RYR1: variants seen among roughly 807,000 people sequenced by gnomAD.
RYR1 encodes the protein ryanodine receptor 1.
Under a neutral mutation model 583.5 loss-of-function variants are expected in RYR1, and 342 were observed. The ratio of observed to expected loss-of-function variants is 0.59; its 90% confidence interval spans 0.54 to 0.64. RYR1 has a LOEUF of 0.64. Ranked by LOEUF, RYR1 falls within the 30% of genes least tolerant of loss-of-function variation. The pLI is 0.00. For missense variants in RYR1, 6,032 were observed against 6,917.2 expected (o/e 0.87, Z 4.54); for synonymous variants, 2,791 against 2,822.5 (o/e 0.99, Z 0.35).
In RYR1 at chr19:38,511,110, A is replaced by G. The variant is rs117201461; in HGVS notation, c.9122+329A>G. Among the ~76,000 whole-genome samples, 8,335 of 152,022 alleles carry G rather than the reference A, an allele frequency of 0.055. 278 individuals carry two copies. Among genetic ancestry groups the G allele is most frequent in the South Asian group, 0.12 (566 of 4,794 alleles). ...CAGGAGTTTGAGGCCAGCCTGGGCA[A>G]CATACTGAGACCCCATTTCTACAAA... On this transcript the variant is annotated intron_variant, in intron 60 of 105. Transcript: ENST00000359596.
Position 38,448,430 on chromosome 19 carries a change from C to T in RYR1, c.876C>T (p.Leu292=). The change falls in exon 10 of 106, where the codon CTC becomes CTT. Residue 292 remains leucine, a synonymous_variant. Coordinates refer to ENST00000359596, the MANE Select transcript of RYR1 (RefSeq NM_000540.3). The stretch of plus-strand genomic sequence containing the variant: ...TCACTACCGGGCAGTACCTAGCGCT[C>T]ACCGAGGACCAGGGCCTGGTGGTGG... The part of the protein sequence containing the change: ...RHVTTGQYLA[L]TEDQGLVVVD... 1 of 1,613,680 alleles carries T rather than the reference C, an allele frequency of 6.2e-7. No homozygotes were observed. The highest frequency in any genetic ancestry group is 8.5e-7 in the Non-Finnish European group (1 of 1,180,022).
rs193922833 is a variant in RYR1 at position 38,512,367 on chromosome 19, G to C, written c.9356G>C (p.Arg3119Pro). The C allele has an allele frequency of 6.2e-7, 1 of 1,614,022 alleles. No homozygotes were observed. Among genetic ancestry groups the C allele is most frequent in the Non-Finnish European group, 8.5e-7 (1 of 1,180,040 alleles). ...NLRLGKVSQA[R>P]TQVKGVGQNL... Reference sequence around the variant, plus strand: ...CGGCTGGGCAAGGTGTCGCAGGCGCGCACCCAGGTGAAAGGCGTGGGCCAG... The same window carrying C: ...CGGCTGGGCAAGGTGTCGCAGGCGCCCACCCAGGTGAAAGGCGTGGGCCAG... Residue 3119 changes from arginine to proline, a missense_variant, in exon 63 of 106, where the codon CGC becomes CCC. This residue lies in a region of RYR1 where 1,493 missense variants were observed against 1,715.5 expected (regional missense o/e 0.87). Transcript: ENST00000359596. This position sits in a 1 kb window ranked among gnomAD's most constrained non-coding sequence, Gnocchi z 5.1.
At position 38,567,114 on chromosome 19, in the gene RYR1, C is replaced by G. The variant is rs1973479372; in HGVS notation, c.13514+127C>G. ...TGTCCTCGGCATCACCCAGCCCAGA[C>G]TCAGGCACGGAGGAGGGGCTCTGAG... On this transcript the variant is annotated intron_variant, in intron 92 of 105. Transcript: ENST00000359596. 9.6e-6 allele frequency: 14 copies of G among 1,462,990 alleles called. No homozygotes were observed. The South Asian group carries it at 1.7e-4, about 18-fold the overall frequency. The allele number at this position is 1,462,990 out of a possible 1,614,324, so 90.6% of individuals were successfully genotyped here.
chr19:38,552,733 A>T (rs1972717995), intron 89 of RYR1, among the ~76,000 whole-genome samples: 1 of 152,142 alleles, frequency 6.6e-6, no homozygotes, highest in Admixed American at 6.6e-5. Flanking sequence ...ATAGTCAGTG[A>T]GCACTTCCTG....
chr19:38,461,343 G>A (rs57940230), intron 20 of RYR1, among the ~76,000 whole-genome samples: 3 of 152,102 alleles, frequency 2.0e-5, no homozygotes, highest in African/African-American at 7.2e-5. Context: ...AGCTGCCCTA[G>A]AAGCTGGGAA....
intron 23 of RYR1, 62 bp from the exon 24 acceptor site, chr19:38,466,029 T>C (rs1447193146): frequency 2.0e-6 from 3 of 1,489,380 alleles, no homozygotes; most frequent in Admixed American, 1.9e-5. Flanking sequence ...GGATCCCATA[T>C]AGTGCAGAGC....
intron 29 of RYR1, among the ~76,000 whole-genome samples, chr19:38,476,743 G>C (rs142249105): frequency 1.4e-3 from 216 of 152,328 alleles, no homozygotes; most frequent in Admixed American, 3.1e-3. Flanking sequence ...CCGACTGGGT[G>C]CCACTTGGGC....
At position 38,499,075 on chromosome 19, in the gene RYR1, T is replaced by C; in HGVS notation, c.6892-33T>C. 1 of 1,611,622 alleles carries C rather than the reference T, an allele frequency of 6.2e-7. No individual in the cohort carries two copies. Among genetic ancestry groups the C allele is most frequent in the Non-Finnish European group, 8.5e-7 (1 of 1,178,748 alleles). On this transcript the variant is annotated intron_variant, in intron 42 of 105. Transcript: ENST00000359596. This position sits in a 1 kb window ranked among gnomAD's most constrained non-coding sequence, Gnocchi z 7.3. The stretch of plus-strand genomic sequence containing the variant: ...AGCCCCAGGAGGAAGGTGGCATGGG[T>C]CTGGTCTCTGACTGAGCCCCTTCTG...
intron 23 of RYR1, among the ~76,000 whole-genome samples, chr19:38,465,061 T>C (rs1039765749): frequency 1.3e-5 from 2 of 151,412 alleles, no homozygotes; most frequent in Non-Finnish European, 2.9e-5. Flanking sequence ...GTCGTTGGAG[T>C]CGTCTAAGTA....
chr19:38,494,269 C>T, intron 38 of RYR1, 83 bp from the exon 39 acceptor site: 2 of 1,566,442 alleles, frequency 1.3e-6, no homozygotes, highest in Non-Finnish European at 8.7e-7. Flanking sequence ...ACAGGGGGCC[C>T]CTTCCACATT....
In RYR1 at chr19:38,500,513, T is replaced by C; in HGVS notation, c.7324-93T>C. The C allele has an allele frequency of 6.4e-7, 1 of 1,563,332 alleles. No individual in the cohort carries two copies. Among genetic ancestry groups the C allele is most frequent in the Non-Finnish European group, 8.8e-7 (1 of 1,140,134 alleles). On this transcript the variant is annotated intron_variant, in intron 45 of 105. Coordinates refer to ENST00000359596, the MANE Select transcript of RYR1 (RefSeq NM_000540.3). The surrounding 1 kb of genome is among the most constrained non-coding windows in gnomAD (Gnocchi z 5.9). ...AGCCTCCTGAGAAAGAGGCCTGCTCTACCCTCCTGTGTGGTAAGGGAGGGA... is the reference window on the plus strand; with the variant it reads ...AGCCTCCTGAGAAAGAGGCCTGCTCCACCCTCCTGTGTGGTAAGGGAGGGA...
intron 84 of RYR1, among the ~76,000 whole-genome samples, chr19:38,540,925 T>C (rs1343889165): frequency 2.0e-5 from 3 of 150,976 alleles, no homozygotes; most frequent in Non-Finnish European, 2.9e-5. Context: ...TACAGTGTAA[T>C]AAACCTCCAA....
intron 13 of RYR1, among the ~76,000 whole-genome samples, chr19:38,454,141 A>C (rs756230974): frequency 1.5e-4 from 23 of 152,088 alleles, no homozygotes; most frequent in Non-Finnish European, 3.2e-4. Context: ...GGTTCAAATG[A>C]TTCTCCTGCC....
Position 38,565,491 on chromosome 19 carries a change from C to A in RYR1, c.13157C>A (p.Pro4386His). 6.6e-7 allele frequency: 1 copy of A among 1,505,366 alleles called. No homozygotes were observed. Among genetic ancestry groups the A allele is most frequent in the Non-Finnish European group, 8.8e-7 (1 of 1,134,574 alleles). The allele number at this position is 1,505,366 out of a possible 1,614,324, so 93.3% of individuals were successfully genotyped here. A position where few individuals can be genotyped will look rare whatever the true frequency, so the allele number is the denominator to read the frequency against. The change falls in exon 91 of 106, where the codon CCC becomes CAC. Residue 4386 changes from proline to histidine, a missense_variant. By Grantham distance (77) the Pro-to-His change is moderately conservative. Coordinates refer to ENST00000359596, the MANE Select transcript of RYR1 (RefSeq NM_000540.3). This position sits in a 1 kb window ranked among gnomAD's most constrained non-coding sequence, Gnocchi z 4.7. Reference protein sequence around the residue: ...VTELLAGMPDPTSDEVHGEQP... With the variant: ...VTELLAGMPDHTSDEVHGEQP... ...GAGCTCCTGGCAGGCATGCCCGACC[C>A]CACCAGCGACGAGGTGCACGGCGAG...
chr19:38,519,418 T>C lies in RYR1; in HGVS notation c.10223T>C (p.Leu3408Pro). Residue 3408 changes from leucine to proline, a missense_variant, in exon 67 of 106, where the codon CTG becomes CCG. Physicochemically the swap from Leu to Pro is moderately conservative, Grantham distance 98. This residue lies in a region of RYR1 where 1,493 missense variants were observed against 1,715.5 expected (regional missense o/e 0.87). Transcript: ENST00000359596. ...FSVLCRDLYALYPLLIRYVDN... is the reference protein window; with the variant it reads ...FSVLCRDLYAPYPLLIRYVDN... ...GTGCTCTGCCGGGACCTCTACGCCC[T>C]GTATCCGCTGCTCATCCGCTACGTG... The C allele has an allele frequency of 1.2e-6, 2 of 1,601,172 alleles. No individual in the cohort carries two copies. The highest frequency in any genetic ancestry group is 1.7e-6 in the Non-Finnish European group (2 of 1,174,860).
Position 38,489,185 on chromosome 19 carries a change from C to G in RYR1, c.5556C>G (p.Gly1852=). Residue 1852 remains glycine (G), a synonymous_variant, in exon 35 of 106, where the codon GGC becomes GGG. Transcript: ENST00000359596. ...GAGACTTTGTCCTGTAGGTGATGGG[C>G]ATCTTTGGCGATGAGGATGTGAAAC... ...LKLVSTLLVM[G]IFGDEDVKQI... 6.2e-7 allele frequency: 1 copy of G among 1,613,988 alleles called. No homozygotes were observed. Among genetic ancestry groups the G allele is most frequent in the Non-Finnish European group, 8.5e-7 (1 of 1,179,994 alleles).
intron 61 of RYR1, 124 bp from the exon 62 acceptor site, chr19:38,511,948 A>G (rs1267301227): frequency 8.8e-7 from 1 of 1,134,714 alleles, no homozygotes; most frequent in African/African-American, 1.5e-5. Flanking sequence ...GTGGGGGTGC[A>G]GTAGCATTCC....
Position 38,490,081 on chromosome 19 carries a change from C to T in RYR1, c.5820C>T (p.Cys1940=), listed in dbSNP as rs1329412036. The part of the protein sequence containing the change: ...KLPESVKLQM[C]HLLEYFCDQE... ...ACACGGCTGTCCTTCCACAGATGTG[C>T]CACCTGCTGGAGTATTTCTGTGACC... The change falls in exon 36 of 106, where the codon TGC becomes TGT. Residue 1940 remains cysteine (C), a synonymous_variant. Coordinates refer to ENST00000359596, the MANE Select transcript of RYR1 (RefSeq NM_000540.3). 1.9e-6 allele frequency: 3 copies of T among 1,614,010 alleles called. No homozygotes were observed. The highest frequency in any genetic ancestry group is 1.7e-6 in the Non-Finnish European group (2 of 1,180,036).
Position 38,534,812 on chromosome 19 carries a change from C to G in RYR1, c.11352C>G (p.Ala3784=). 1 of 1,612,220 alleles carries G rather than the reference C, an allele frequency of 6.2e-7. No homozygotes were observed. Among genetic ancestry groups the G allele is most frequent in the Non-Finnish European group, 8.5e-7 (1 of 1,179,406 alleles). The stretch of plus-strand genomic sequence containing the variant: ...AGATGGTGCTGCAGATGATCAGTGC[C>G]TGCAAAGGTGCCCCTCACATGTGCA... ...AAEMVLQMIS[A]CKGETGAMVS... The change falls in exon 79 of 106, where the codon GCC becomes GCG. Residue 3784 remains alanine (A), a synonymous_variant. Coordinates refer to ENST00000359596, the MANE Select transcript of RYR1 (RefSeq NM_000540.3).
Sources: allele counts gnomAD v4.1 joint callset (sites outside exome capture counted in the v4.1 genomes callset), GRCh38; gene constraint gnomAD v4.1.1; regional missense constraint gnomAD v4.1.1; non-coding constraint Gnocchi (gnomAD v3.1); transcripts MANE v1.5; gene names NCBI Gene and HGNC (gene_info 2026-07-23, HGNC 2026-07-21).